CHRNB4: variants seen among roughly 807,000 people sequenced by gnomAD.
CHRNB4 encodes neuronal acetylcholine receptor subunit beta-4.
CHRNB4 carries 23 observed loss-of-function variants against 40.4 expected under a neutral mutation model. The ratio of observed to expected loss-of-function variants is 0.57; its 90% CI spans 0.41 to 0.81. The LOEUF is 0.81. Among genes scored for constraint, CHRNB4 ranks in the 30% least tolerant of loss-of-function variants. The probability of loss-of-function intolerance (pLI) is 0.00; values close to 1 mark genes in which losing one functional copy is unlikely to be tolerated. For missense variants in CHRNB4, 568 were observed against 670.6 expected, an observed-to-expected ratio of 0.85 and a Z score of 1.69; for synonymous variants, 285 against 274.4, an observed-to-expected ratio of 1.04 and a Z score of -0.38.
chr15:78,655,303 C>A (rs1269806349), intron 5 of CHRNB4, among the ~76,000 whole-genome samples: 1 of 151,468 alleles, frequency 6.6e-6, no homozygotes, highest in East Asian at 2.0e-4. Flanking sequence ...AACCCCCAGG[C>A]TCAAGCGATC....
In CHRNB4 at chr15:78,629,594, G is replaced by T. The variant is rs1440528405; in HGVS notation, c.711C>A (p.Ile237=). Residue 237 remains isoleucine, a synonymous_variant, in exon 5 of 6, where the codon ATC becomes ATA. Coordinates refer to ENST00000261751, the MANE Select transcript of CHRNB4 (RefSeq NM_000750.5). This position sits in a 1 kb window ranked among gnomAD's most constrained non-coding sequence, Gnocchi z 6.8. ...TGAGCACGCAGGGGATGATGAGGTT[G>T]ATGGTGTAGAACAGAGGCTTGCGCT... ...IIKRKPLFYT[I]NLIIPCVLTT... is the part of the protein sequence containing the mutation. 1 of 1,614,082 alleles carries T rather than the reference G, an allele frequency of 6.2e-7. No individual in the cohort carries two copies. Among genetic ancestry groups the T allele is most frequent in the South Asian group, 1.1e-5 (1 of 91,080 alleles).
At chr15:78,657,804 G>A (rs182491853) in intron 2 of CHRNB4, among the ~76,000 whole-genome samples, 45 of 151,984 alleles carry the variant, frequency 3.0e-4, no homozygotes, top group Admixed American at 9.2e-4. Context: ...TGCCCGCCTC[G>A]GCCTCCCAAA....
chr15:78,626,336 G>C (rs1466229453), intron 5 of CHRNB4: 1 of 124,816 alleles, frequency 8.0e-6, no homozygotes, highest in African/African-American at 3.1e-5. Context: ...CTAATTTCAA[G>C]CGGGGGTGTG....
upstream of CHRNB4, among the ~76,000 whole-genome samples, chr15:78,643,266 T>A (rs1194988727): frequency 6.6e-6 from 1 of 151,786 alleles, no homozygotes; most frequent in Non-Finnish European, 1.5e-5. Flanking sequence ...TAGGTTTTTT[T>A]TTTGAGACAG....
intron 5 of CHRNB4, among the ~76,000 whole-genome samples, chr15:78,653,688 C>T (rs2054191008): frequency 6.6e-6 from 1 of 152,184 alleles, no homozygotes; most frequent in Non-Finnish European, 1.5e-5. Context: ...CTGGCAAGCC[C>T]CCAAACCAAC....
At chr15:78,660,808 A>T (rs559062045), upstream of CHRNB4, 1 of 281,928 alleles carries the variant, frequency 3.5e-6, no homozygotes, top group East Asian at 9.2e-5. Flanking sequence ...GCTTGTCCCA[A>T]GAGAGGCGGG....
intron 2 of CHRNB4, among the ~76,000 whole-genome samples, chr15:78,657,864 T>C (rs12443430): frequency 0.02 from 3,003 of 151,284 alleles, 71 homozygotes; most frequent in East Asian, 0.071. Context: ...GGCATCATAA[T>C]TTAAATAAAG....
chr15:78,635,482 A>G lies in CHRNB4; in HGVS notation c.161T>C (p.Ile54Thr). ...CAGGGAGAGCTGCAGCTTGATGGAG[A>G]TGAGCTGTGAGGAGCTGGTGGCTGG... is the stretch of plus-strand genomic sequence containing the variant. ...IRPATSSSQLISIKLQLSLAQ... is the reference protein window; with the variant it reads ...IRPATSSSQLTSIKLQLSLAQ... The change falls in exon 2 of 6, where the codon ATC (isoleucine) becomes ACC (threonine). Residue 54 changes from isoleucine (I) to threonine (T), a missense_variant. Around this residue, in one of 4 missense-constraint regions of CHRNB4, gnomAD observed 161 missense variants for 148.1 expected, o/e 1.09. Transcript: ENST00000261751. 2 of 1,614,092 alleles carry G rather than the reference A, an allele frequency of 1.2e-6. No individual in the cohort carries two copies.
chr15:78,661,330 C>T (rs935083959), upstream of CHRNB4: 7 of 573,012 alleles, frequency 1.2e-5, no homozygotes, highest in African/African-American at 1.3e-4. Context: ...GGTTGAGAAC[C>T]TCCTGAACCC....
chr15:78,625,371 G>A, intron 5 of CHRNB4, 80 bp from the exon 6 acceptor site: 1 of 1,346,446 alleles, frequency 7.4e-7, no homozygotes, highest in Non-Finnish European at 1.0e-6. Flanking sequence ...CTTACTCTCT[G>A]GCCAGGGACT....
upstream of CHRNB4, chr15:78,661,027 G>C (rs2054248182): frequency 5.4e-6 from 3 of 552,264 alleles, no homozygotes; most frequent in Non-Finnish European, 1.0e-5. Flanking sequence ...TTAATAAGAG[G>C]GTAGGCGCCA....
intron 1 of CHRNB4, among the ~76,000 whole-genome samples, chr15:78,658,589 T>C (rs1419780443): frequency 1.3e-5 from 2 of 152,136 alleles, no homozygotes; most frequent in Non-Finnish European, 2.9e-5. Flanking sequence ...GCCCTTGGTG[T>C]CTTGGAAAAA....
chr15:78,660,749 C>T (rs80346777), upstream of CHRNB4: 558 of 198,328 alleles, frequency 2.8e-3, 8 homozygotes, highest in African/African-American at 0.012. Flanking sequence ...GGTTCTTTCA[C>T]TTTTCAGCTT....
chr15:78,641,870 C>T (rs551947527), upstream of CHRNB4, among the ~76,000 whole-genome samples: 1 of 152,322 alleles, frequency 6.6e-6, no homozygotes, highest in South Asian at 2.1e-4. Flanking sequence ...CTCTACTAGC[C>T]AGGGTGTCCT....
upstream of CHRNB4, among the ~76,000 whole-genome samples, chr15:78,644,172 AAAG>A (rs984115092): frequency 1.3e-5 from 2 of 151,834 alleles, no homozygotes; most frequent in African/African-American, 4.8e-5. Context: ...CAAAAAAAAA[AAAG>A]ATTCTATTCA....
At chr15:78,646,760 A>G (rs894165950) in intron 7 of CHRNB4, among the ~76,000 whole-genome samples, 1 of 152,242 alleles carries the variant, frequency 6.6e-6, no homozygotes, top group Non-Finnish European at 1.5e-5. Flanking sequence ...TAACACCATT[A>G]TATTGGAGGC....
At chr15:78,644,449 C>A (rs1942750082), upstream of CHRNB4, among the ~76,000 whole-genome samples, 1 of 151,840 alleles carries the variant, frequency 6.6e-6, no homozygotes. Context: ...TTTGTCCCCT[C>A]CAGAGGAGCC....
chr15:78,657,789 T>G (rs1341672622), intron 2 of CHRNB4, among the ~76,000 whole-genome samples: 1 of 151,988 alleles, frequency 6.6e-6, no homozygotes, highest in Non-Finnish European at 1.5e-5. Context: ...CCTGCCCTCA[T>G]GATCTGCCCG....
chr15:78,658,028 C>CTTTTTTTTTTT (rs71448810), intron 2 of CHRNB4, among the ~76,000 whole-genome samples: 8 of 90,542 alleles, frequency 8.8e-5, no homozygotes, highest in Non-Finnish European at 1.2e-4. Flanking sequence ...TCTTGTTTCT[C>CTTTTTTTTTTT]TTTTTTTTTT....
Sources: gnomAD v4.1 joint callset for allele counts (sites outside exome capture counted in the v4.1 genomes callset) on GRCh38, gnomAD v4.1.1 for gene constraint, gnomAD v4.1.1 regional missense constraint, Gnocchi (gnomAD v3.1) non-coding constraint, MANE v1.5 for transcripts, NCBI Gene and HGNC (gene_info 2026-07-23, HGNC 2026-07-21) for gene names.